The following SQSTM1 variants were observed in gnomAD, a reference collection of about 807,000 sequenced individuals.
SQSTM1 encodes the protein sequestosome 1.
SQSTM1 carries 36 observed loss-of-function variants against 45.1 expected under a neutral mutation model. The ratio of observed to expected loss-of-function variants is 0.80; its 90% CI spans 0.61 to 1.05. The LOEUF is 1.05. SQSTM1 is among the 50% of genes least tolerant of loss of function. The pLI, the probability that SQSTM1 is intolerant of heterozygous loss-of-function variation, is 0.00. For missense variants in SQSTM1, 617 were observed against 607.1 expected (o/e 1.02, Z -0.17); for synonymous variants, 290 against 244.3 (o/e 1.19, Z -1.74).
rs767340839 is a variant in SQSTM1, at chr5:179,821,119, C to T, written c.183C>T (p.Gly61=). The T allele has an allele frequency of 3.6e-3, 5,028 of 1,380,634 alleles. 10 individuals carry two copies. The highest frequency in any genetic ancestry group is 4.0e-3 in the Non-Finnish European group (4,293 of 1,070,922). 85.5% of individuals were successfully genotyped at this position (1,380,634 alleles called of 1,614,324 possible). ...VAALFPALRP[G]GFQAHYRDED... is the part of the protein sequence containing the mutation. ...CCCTGTTCCCCGCGCTGCGGCCTGG[C>T]GGCTTCCAGGCGCACTACCGCGGTG... is the stretch of plus-strand genomic sequence containing the variant. The change falls in exon 1 of 8, where the codon GGC becomes GGT. Residue 61 remains glycine, a synonymous_variant. Coordinates refer to ENST00000389805, the MANE Select transcript of SQSTM1 (RefSeq NM_003900.5).
At position 179,823,067 on chromosome 5, in the gene SQSTM1, C is replaced by T; in HGVS notation, c.301+14C>T. The T allele has an allele frequency of 6.2e-7, 1 of 1,611,504 alleles. No homozygotes were observed. The highest frequency in any genetic ancestry group is 8.5e-7 in the Non-Finnish European group (1 of 1,177,892). ...TCTACATTAAAGGTAAGGGGCTGCT[C>T]TGGGGGCTGCCTGAAGCCAGCTCAG... On this transcript the variant is annotated intron_variant, in intron 2 of 7. Coordinates refer to ENST00000389805, the MANE Select transcript of SQSTM1 (RefSeq NM_003900.5).
At chr5:179,819,051 G>A (rs1757670558), upstream of SQSTM1, 1 of 152,542 alleles carries the variant, frequency 6.6e-6, no homozygotes. Context: ...AGAGGTCACT[G>A]AGATGGGTGG....
rs556686676 is a variant in SQSTM1 at position 179,837,201 on chromosome 5, C to G, written c.*608C>G. 9.6e-6 allele frequency: 15 copies of G among 1,560,018 alleles called. No homozygotes were observed. The East Asian group carries it at 2.5e-4, about 26-fold the overall frequency. ...TTTTAAAATAAGATCTCTTTGTAGCCATCCTGTTAAATTTGTAAACAATCT... is the reference window on the plus strand; with the variant it reads ...TTTTAAAATAAGATCTCTTTGTAGCGATCCTGTTAAATTTGTAAACAATCT... On this transcript the variant is annotated 3_prime_UTR_variant, in exon 8 of 8. Coordinates refer to ENST00000389805, the MANE Select transcript of SQSTM1 (RefSeq NM_003900.5).
At chr5:179,812,384 G>C (rs1035686499) in intron 2 of SQSTM1, 1 of 152,188 alleles carries the variant, frequency 6.6e-6, no homozygotes, top group African/African-American at 2.4e-5. Flanking sequence ...GTTTTCAGCG[G>C]TTCCTTCCTG....
chr5:179,818,649 C>A (rs1458707268), upstream of SQSTM1, among the ~76,000 whole-genome samples: 2 of 152,176 alleles, frequency 1.3e-5, no homozygotes, highest in Admixed American at 6.5e-5. Context: ...TCCACCTCAG[C>A]CCCCCTGCAG....
upstream of SQSTM1, chr5:179,820,748 C>T (rs1757740765): frequency 2.0e-6 from 1 of 501,342 alleles, no homozygotes; most frequent in South Asian, 3.2e-5. Context: ...CGAGGGGTAG[C>T]GGGGAAGGGG....
chr5:179,812,012 G>A (rs1210860401), intron 2 of SQSTM1: 10 of 152,084 alleles, frequency 6.6e-5, no homozygotes, highest in Admixed American at 3.9e-4. Context: ...CACCGTGTTA[G>A]CCAGGATGGT....
chr5:179,811,968 C>A (rs1484383574), intron 2 of SQSTM1: 1 of 152,168 alleles, frequency 6.6e-6, no homozygotes, highest in Non-Finnish European at 1.5e-5. Context: ...CCACGCCCGG[C>A]TGATTTTTTG....
At chr5:179,807,203 T>G (rs926737066) in intron 1 of SQSTM1, 1 of 152,344 alleles carries the variant, frequency 6.6e-6, no homozygotes, top group Non-Finnish European at 1.5e-5. Context: ...GGGACCCCGG[T>G]ACCCTTCTCA....
At chr5:179,807,798 G>A (rs1267966207) in intron 1 of SQSTM1, 3 of 152,266 alleles carry the variant, frequency 2.0e-5, no homozygotes, top group Non-Finnish European at 4.4e-5. Flanking sequence ...GACTACAGGC[G>A]GCCGCCACCA....
intron 5 of SQSTM1, among the ~76,000 whole-genome samples, chr5:179,830,137 A>C (rs1252627237): frequency 6.6e-6 from 1 of 151,564 alleles, no homozygotes. Flanking sequence ...CAAAACAAAA[A>C]ACAAAAATGC....
intron 3 of SQSTM1, 35 bp from the exon 4 acceptor site, chr5:179,824,147 C>T (rs1192109933): frequency 6.2e-7 from 1 of 1,613,438 alleles, no homozygotes; most frequent in Non-Finnish European, 8.5e-7. Flanking sequence ...CCTTGACCCG[C>T]TCACTGCCTG....
At chr5:179,822,749 C>T (rs1757830216) in intron 1 of SQSTM1, 1 of 636,710 alleles carries the variant, frequency 1.6e-6, no homozygotes, top group African/African-American at 1.8e-5. Context: ...TGGCTGTGGT[C>T]CAGGGCCCAG....
At chr5:179,834,157 G>T (rs1173839543) in intron 7 of SQSTM1, among the ~76,000 whole-genome samples, 1 of 30,016 alleles carries the variant, frequency 3.3e-5, no homozygotes, top group Non-Finnish European at 5.7e-5. Context: ...TGGTCTGAGA[G>T]GGGGGGGGGT....
At chr5:179,830,210 G>A (rs141127798) in intron 5 of SQSTM1, among the ~76,000 whole-genome samples, 2 of 152,314 alleles carry the variant, frequency 1.3e-5, no homozygotes, top group African/African-American at 4.8e-5. Context: ...GACAATGACT[G>A]AGAAAGACCC....
chr5:179,831,621 G>A lies in SQSTM1; in HGVS notation c.755-1411G>A, dbSNP rs113004340. On this transcript the variant is annotated intron_variant, in intron 5 of 7. Transcript: ENST00000389805. ...AGGCTGCAGTGAGCCGAGAGATTGCGGCACTGCGCTCCAGCCTGGGCAACA... is the reference window on the plus strand; with the variant it reads ...AGGCTGCAGTGAGCCGAGAGATTGCAGCACTGCGCTCCAGCCTGGGCAACA... Among the ~76,000 whole-genome samples the A allele has an allele frequency of 2.8e-3, 424 of 152,114 alleles. 2 individuals carry two copies. Among genetic ancestry groups the A allele is most frequent in the African/African-American group, 9.5e-3 (395 of 41,510 alleles).
chr5:179,811,534 C>G (rs905743082), intron 1 of SQSTM1: 4 of 152,246 alleles, frequency 2.6e-5, no homozygotes, highest in African/African-American at 9.7e-5. Context: ...CCTTTTTTTC[C>G]TTCTTGCCCA....
At chr5:179,831,769 C>G (rs1758232103) in intron 5 of SQSTM1, among the ~76,000 whole-genome samples, 1 of 149,818 alleles carries the variant, frequency 6.7e-6, no homozygotes, top group Non-Finnish European at 1.5e-5. Context: ...GATAGAGGTC[C>G]TAGCTGAAAC....
upstream of SQSTM1, among the ~76,000 whole-genome samples, chr5:179,814,262 A>G (rs1455481392): frequency 6.6e-6 from 1 of 152,212 alleles, no homozygotes; most frequent in Non-Finnish European, 1.5e-5. Context: ...CATCCAGGAG[A>G]AAGTCTGGAA....
Sources: gnomAD v4.1 joint callset for allele counts (sites outside exome capture counted in the v4.1 genomes callset) on GRCh38, gnomAD v4.1.1 for gene constraint, MANE v1.5 for transcripts, NCBI Gene and HGNC (gene_info 2026-07-23, HGNC 2026-07-21) for gene names.